VEPH1: variants seen among roughly 807,000 people sequenced by gnomAD.
The protein encoded by VEPH1 is ventricular zone expressed PH domain containing 1.
VEPH1 carries 80 observed loss-of-function variants against 85.2 expected under a neutral mutation model. That is an observed-to-expected ratio of 0.94 (90% CI 0.78 to 1.13). The LOEUF is 1.13. Among genes scored for constraint, VEPH1 ranks in the 50% most tolerant of loss-of-function variants. The pLI is 0.00. For synonymous variants in VEPH1, 297 were observed against 348.0 expected, an observed-to-expected ratio of 0.85 and a Z score of 1.63; for missense variants, 955 against 980.5, an observed-to-expected ratio of 0.97 and a Z score of 0.35.
chr3:157,305,036 A>ATCTATC (rs1719307763), intron 11 of VEPH1, among the ~76,000 whole-genome samples: 132 of 139,572 alleles, frequency 9.5e-4, no homozygotes, highest in African/African-American at 3.5e-3. Flanking sequence ...GTGTATTGTT[A>ATCTATC]TATCTATCTA....
intron 9 of VEPH1, among the ~76,000 whole-genome samples, chr3:157,343,057 T>C (rs1210070766): frequency 2.0e-5 from 3 of 152,152 alleles, no homozygotes; most frequent in African/African-American, 7.2e-5. Flanking sequence ...CAGCACGAAA[T>C]GCCCACAAGA....
intron 4 of VEPH1, among the ~76,000 whole-genome samples, chr3:157,450,437 T>C (rs1223657184): frequency 6.6e-6 from 1 of 152,114 alleles, no homozygotes; most frequent in East Asian, 1.9e-4. Context: ...CTTTCTGTTA[T>C]AACTTTCATT....
intron 6 of VEPH1, among the ~76,000 whole-genome samples, chr3:157,386,948 TC>T (rs2108894687): frequency 6.6e-6 from 1 of 152,358 alleles, no homozygotes; most frequent in Non-Finnish European, 1.5e-5. Flanking sequence ...GGTCTTGGTG[TC>T]CATGGACCAT....
intron 12 of VEPH1, among the ~76,000 whole-genome samples, chr3:157,269,636 T>TTTG (rs1714244779): frequency 2.5e-5 from 3 of 122,006 alleles, no homozygotes; most frequent in Non-Finnish European, 5.0e-5. Flanking sequence ...TGTTTTTGTT[T>TTTG]TTGTTGTTTT....
chr3:157,324,222 AT>A (rs924060556), intron 9 of VEPH1, among the ~76,000 whole-genome samples: 11 of 151,780 alleles, frequency 7.2e-5, no homozygotes, highest in African/African-American at 2.7e-4. Flanking sequence ...TGCCTGGCTA[AT>A]TTTTTTGTAG....
chr3:157,344,997 C>T (rs1437277468), intron 9 of VEPH1, among the ~76,000 whole-genome samples: 1 of 152,110 alleles, frequency 6.6e-6, no homozygotes, highest in Non-Finnish European at 1.5e-5. Context: ...AAACTGGATC[C>T]CTTCCTTACA....
intron 11 of VEPH1, among the ~76,000 whole-genome samples, chr3:157,292,582 C>G (rs1439670034): frequency 6.6e-6 from 1 of 151,884 alleles, no homozygotes; most frequent in Admixed American, 6.6e-5. Flanking sequence ...ATCGTAGCTA[C>G]TTGGGAGGCT....
In VEPH1 at chr3:157,302,387, C is replaced by A. The variant is rs1176573203; in HGVS notation, c.2010+11234G>T. Among the ~76,000 whole-genome samples, 2 of 152,178 alleles carry A rather than the reference C, an allele frequency of 1.3e-5. 1 individual carries two copies. The highest frequency in any genetic ancestry group is 6.3e-3 in the Middle Eastern group (2 of 316). On this transcript the variant is annotated intron_variant, in intron 11 of 13. Transcript: ENST00000362010. ...CCCCTACCATCACCAAATTCATACACCGAAATCCTATCCCCCAAGGTGATA... is the reference window on the plus strand; with the variant it reads ...CCCCTACCATCACCAAATTCATACAACGAAATCCTATCCCCCAAGGTGATA...
At chr3:157,446,774 G>A (rs539822564) in intron 4 of VEPH1, among the ~76,000 whole-genome samples, 4 of 152,200 alleles carry the variant, frequency 2.6e-5, no homozygotes, top group Admixed American at 2.0e-4. Flanking sequence ...CACTCCTATC[G>A]TTGATCCTTG....
intron 4 of VEPH1, chr3:157,438,015 T>G: frequency 7.4e-7 from 1 of 1,353,046 alleles, no homozygotes; most frequent in Non-Finnish European, 9.8e-7. Context: ...GAAGCTTTCA[T>G]GGGAAGCGCG....
chr3:157,401,732 AT>A (rs374819888), intron 6 of VEPH1, among the ~76,000 whole-genome samples: 326 of 144,016 alleles, frequency 2.3e-3, no homozygotes, highest in Admixed American at 3.1e-3. Context: ...TTTTTCCTTA[AT>A]TTTTTTTTTT....
intron 9 of VEPH1, among the ~76,000 whole-genome samples, chr3:157,349,542 G>GAGAA (rs78787789): frequency 0.22 from 33,130 of 151,694 alleles, 4,427 homozygotes; most frequent in Admixed American, 0.42. Context: ...AAATGGGTAA[G>GAGAA]AGAAAGAAAG....
rs146500624 is a variant in VEPH1 at position 157,390,213 on chromosome 3, A to G, written c.907-8837T>C. ...TCTTGGTTCTCACAATAAAAGACAA[A>G]AAAAGTTTGAACAATGTAATTTTTA... is the stretch of plus-strand genomic sequence containing the variant. On this transcript the variant is annotated intron_variant, in intron 6 of 13. Transcript: ENST00000362010. 9.1e-4 allele frequency among the ~76,000 whole-genome samples: 139 copies of G among 152,314 alleles called. 1 individual carries two copies. Among genetic ancestry groups the G allele is most frequent in the African/African-American group, 3.1e-3 (130 of 41,572 alleles).
chr3:157,297,146 G>A (rs1222746954), intron 11 of VEPH1, among the ~76,000 whole-genome samples: 1 of 152,126 alleles, frequency 6.6e-6, no homozygotes, highest in African/African-American at 2.4e-5. Context: ...AGCAAAATAA[G>A]AAGCTCCTTT....
intron 12 of VEPH1, among the ~76,000 whole-genome samples, chr3:157,269,380 C>T (rs1379844580): frequency 6.6e-6 from 1 of 151,992 alleles, no homozygotes; most frequent in African/African-American, 2.4e-5. Context: ...GACTTTTCAC[C>T]GTAGCCCAGT....
intron 9 of VEPH1, among the ~76,000 whole-genome samples, chr3:157,342,487 T>G (rs1007475211): frequency 6.6e-6 from 1 of 152,206 alleles, no homozygotes; most frequent in Non-Finnish European, 1.5e-5. Flanking sequence ...CTATCCTAAA[T>G]ATACATGCAT....
intron 5 of VEPH1, among the ~76,000 whole-genome samples, chr3:157,427,502 C>T (rs1384888511): frequency 6.6e-6 from 1 of 152,132 alleles, no homozygotes; most frequent in Non-Finnish European, 1.5e-5. Flanking sequence ...GTCACCCAGG[C>T]TGGAGTGCAG....
chr3:157,485,888 T>G (rs1325788719), intron 2 of VEPH1, among the ~76,000 whole-genome samples: 3 of 152,078 alleles, frequency 2.0e-5, no homozygotes, highest in Non-Finnish European at 4.4e-5. Flanking sequence ...CAGTATATAC[T>G]AATGAAAAGA....
rs1038796231 is a variant in VEPH1 at position 157,441,752 on chromosome 3, G to A, written c.530-13264C>T. 9.9e-5 allele frequency among the ~76,000 whole-genome samples: 15 copies of A among 151,856 alleles called. No individual in the cohort carries two copies. The East Asian group carries it at 1.2e-3, about 12-fold the overall frequency. On this transcript the variant is annotated intron_variant, in intron 4 of 13. Transcript: ENST00000362010. ...TTGAACCTGGGAAGCGAAGGTTGCC[G>A]TGAGTCGAGATCGCACTACTGCAAT...
Sources: gnomAD v4.1 joint callset for allele counts (sites outside exome capture counted in the v4.1 genomes callset) on GRCh38, gnomAD v4.1.1 for gene constraint, MANE v1.5 for transcripts, NCBI Gene and HGNC (gene_info 2026-07-23, HGNC 2026-07-21) for gene names.